PRM3: variants seen among roughly 807,000 people sequenced by gnomAD.
PRM3 encodes the protein protamine-3.
For missense variants in PRM3, 160 were observed against 133.1 expected (o/e 1.20, Z -0.99); for synonymous variants, 72 against 58.2 (o/e 1.24, Z -1.08).
chr16:11,273,312 C>G lies in PRM3; in HGVS notation c.284G>C (p.Ser95Thr). The change falls in exon 1 of 1, where the codon AGC becomes ACC. Residue 95 changes from serine (S) to threonine (T), a missense_variant. Physicochemically the swap from Ser to Thr is moderately conservative, Grantham distance 58 (BLOSUM62 1). Transcript: ENST00000327157. ...GHKDNAEAQQ[S>T]PEPKRTPS is the part of the protein sequence containing the mutation. Reference sequence around the variant, plus strand: ...GGAGGGTGTCCGCTTGGGCTCGGGGCTCTGCTGGGCCTCGGCGTTGTCCTT... The same window carrying G: ...GGAGGGTGTCCGCTTGGGCTCGGGGGTCTGCTGGGCCTCGGCGTTGTCCTT... 1 of 1,544,112 alleles carries G rather than the reference C, an allele frequency of 6.5e-7. No homozygotes were observed. The highest frequency in any genetic ancestry group is 8.7e-7 in the Non-Finnish European group (1 of 1,145,750).
In PRM3 at chr16:11,273,276, G is replaced by A. The variant is rs1030449644; in HGVS notation, c.*8C>T. ...AGTGGGCGTCCCTTCCTGGGCCTTC[G>A]TTGCGGGTCAGGAGGGTGTCCGCTT... On this transcript the variant is annotated 3_prime_UTR_variant, in exon 1 of 1. Coordinates refer to ENST00000327157, the MANE Select transcript of PRM3 (RefSeq NM_021247.3). The A allele has an allele frequency of 7.2e-6, 11 of 1,527,720 alleles. No homozygotes were observed. In the East Asian group the frequency reaches 9.9e-5, roughly 14 times the overall value. 94.6% of individuals were successfully genotyped at this position (1,527,720 alleles called of 1,614,324 possible). A position where few individuals can be genotyped will look rare whatever the true frequency, so the allele number is the denominator to read the frequency against.
chr16:11,273,386 C>T lies in PRM3; in HGVS notation c.210G>A (p.Val70=), dbSNP rs370987191. 7.6e-5 allele frequency: 117 copies of T among 1,546,324 alleles called. No homozygotes were observed. The highest frequency in any genetic ancestry group is 9.4e-5 in the Non-Finnish European group (108 of 1,147,148). ...GCTCCAGCAGCAGCAGCTTGCCCTGCACCGGCAGCTCTTCTTTCTCCTCCT... is the reference window on the plus strand; with the variant it reads ...GCTCCAGCAGCAGCAGCTTGCCCTGTACCGGCAGCTCTTCTTTCTCCTCCT... ...GEEEEKEELP[V]QGKLLLLEPE... is the part of the protein sequence containing the mutation. Residue 70 remains valine (V), a synonymous_variant, in exon 1 of 1, where the codon GTG becomes GTA. Coordinates refer to ENST00000327157, the MANE Select transcript of PRM3 (RefSeq NM_021247.3).
rs34977787 is a variant in PRM3, at chr16:11,273,360, G to T, written c.236C>A (p.Pro79His). Residue 79 changes from proline (P) to histidine (H), a missense_variant, in exon 1 of 1, where the codon CCT becomes CAT. Coordinates refer to ENST00000327157, the MANE Select transcript of PRM3 (RefSeq NM_021247.3). ...PVQGKLLLLE[P>H]ERQEEGHKDN... The stretch of plus-strand genomic sequence containing the variant: ...CTTGTGGCCCTCCTCCTGCCGCTCA[G>T]GCTCCAGCAGCAGCAGCTTGCCCTG... 1.3e-6 allele frequency: 2 copies of T among 1,544,936 alleles called. No individual in the cohort carries two copies. The highest frequency in any genetic ancestry group is 1.4e-5 in the African/African-American group (1 of 73,056).
rs757623388 is a variant in PRM3, at chr16:11,273,612, C to G, written c.-17G>C. 8.9e-6 allele frequency: 14 copies of G among 1,572,932 alleles called. No individual in the cohort carries two copies. The East Asian group carries it at 2.7e-4, about 31-fold the overall frequency. On this transcript the variant is annotated 5_prime_UTR_variant, in exon 1 of 1. Coordinates refer to ENST00000327157, the MANE Select transcript of PRM3 (RefSeq NM_021247.3). ...GGAACCCATGGTCTACGTTGCCTGTCTCTCTGGGCAAGGAGGTGAGGCGGT... is the reference window on the plus strand; with the variant it reads ...GGAACCCATGGTCTACGTTGCCTGTGTCTCTGGGCAAGGAGGTGAGGCGGT...
In PRM3 at chr16:11,273,546, C is replaced by G; in HGVS notation, c.50G>C (p.Ser17Thr). The G allele has an allele frequency of 6.2e-7, 1 of 1,611,230 alleles. No individual in the cohort carries two copies. The highest frequency in any genetic ancestry group is 2.2e-5 in the East Asian group (1 of 44,876). The change falls in exon 1 of 1, where the codon AGC (serine) becomes ACC (threonine). Residue 17 changes from serine (S) to threonine (T), a missense_variant. Coordinates refer to ENST00000327157, the MANE Select transcript of PRM3 (RefSeq NM_021247.3). ...GCCATGGCCCGTGCTGTGGCCTGGG[C>G]TGTGGCCTGGGCTCTGGCCTGTGTT... is the stretch of plus-strand genomic sequence containing the variant. ...KLNTGQSPGH[S>T]PGHSTGHGRG...
chr16:11,273,525 T>G lies in PRM3; in HGVS notation c.71A>C (p.His24Pro). Residue 24 changes from histidine to proline, a missense_variant, in exon 1 of 1, where the codon CAT becomes CCT. Coordinates refer to ENST00000327157, the MANE Select transcript of PRM3 (RefSeq NM_021247.3). Reference sequence around the variant, plus strand: ...CATGGAGGATTCGTGGCCCCGGCCATGGCCCGTGCTGTGGCCTGGGCTGTG... The same window carrying G: ...CATGGAGGATTCGTGGCCCCGGCCAGGGCCCGTGCTGTGGCCTGGGCTGTG... The part of the protein sequence containing the change: ...PGHSPGHSTG[H>P]GRGHESSMKK... 1 of 1,609,602 alleles carries G rather than the reference T, an allele frequency of 6.2e-7. No homozygotes were observed. Among genetic ancestry groups the G allele is most frequent in the Non-Finnish European group, 8.5e-7 (1 of 1,177,510 alleles).
Position 11,273,584 on chromosome 16 carries a change from G to C in PRM3, c.12C>G (p.Arg4=). The C allele has an allele frequency of 3.1e-6, 5 of 1,593,202 alleles. No individual in the cohort carries two copies. The highest frequency in any genetic ancestry group is 4.3e-6 in the Non-Finnish European group (5 of 1,167,252). Residue 4 remains arginine (R), a synonymous_variant, in exon 1 of 1, where the codon CGC becomes CGG. Transcript: ENST00000327157. MGS[R]CAKLNTGQSP... is the part of the protein sequence containing the mutation. ...TCTGGCCTGTGTTGAGCTTGGCACA[G>C]CGGGAACCCATGGTCTACGTTGCCT...
chr16:11,273,289 A>G lies in PRM3; in HGVS notation c.307T>C (p.Ser103Pro). ...QQSPEPKRTPS is the reference protein window; with the variant it reads ...QQSPEPKRTPP ...TCCTGGGCCTTCGTTGCGGGTCAGG[A>G]GGGTGTCCGCTTGGGCTCGGGGCTC... Residue 103 changes from serine to proline, a missense_variant, in exon 1 of 1, where the codon TCC (serine) becomes CCC (proline). By Grantham distance (74) the Ser-to-Pro change is moderately conservative. Coordinates refer to ENST00000327157, the MANE Select transcript of PRM3 (RefSeq NM_021247.3). 1.9e-6 allele frequency: 3 copies of G among 1,539,962 alleles called. No homozygotes were observed. In the African/African-American group the frequency reaches 4.1e-5, roughly 21 times the overall value.
chr16:11,273,529 C>G lies in PRM3; in HGVS notation c.67G>C (p.Gly23Arg). 6.2e-7 allele frequency: 1 copy of G among 1,610,804 alleles called. No homozygotes were observed. The highest frequency in any genetic ancestry group is 8.5e-7 in the Non-Finnish European group (1 of 1,178,612). Residue 23 changes from glycine (G) to arginine (R), a missense_variant, in exon 1 of 1, where the codon GGC (glycine) becomes CGC (arginine). Gly to Arg is a moderately radical substitution (Grantham distance 125). Transcript: ENST00000327157. ...GAGGATTCGTGGCCCCGGCCATGGC[C>G]CGTGCTGTGGCCTGGGCTGTGGCCT... is the stretch of plus-strand genomic sequence containing the variant. ...SPGHSPGHST[G>R]HGRGHESSMK...
rs772438312 is a variant in PRM3, at chr16:11,273,247, C to T, written c.*37G>A. ...TCTTCTCTGAACACTGTCGCCGGAG[C>T]AGCAGTGGGCGTCCCTTCCTGGGCC... On this transcript the variant is annotated 3_prime_UTR_variant, in exon 1 of 1. Coordinates refer to ENST00000327157, the MANE Select transcript of PRM3 (RefSeq NM_021247.3). The T allele has an allele frequency of 4.0e-6, 6 of 1,498,776 alleles. No individual in the cohort carries two copies. The South Asian group carries it at 6.5e-5, about 16-fold the overall frequency. 92.8% of individuals were successfully genotyped at this position (1,498,776 alleles called of 1,614,324 possible).
Position 11,273,417 on chromosome 16 carries a change from C to T in PRM3, c.179G>A (p.Gly60Glu), listed in dbSNP as rs2069808441. Residue 60 changes from glycine to glutamate, a missense_variant, in exon 1 of 1, where the codon GGG becomes GAG. By Grantham distance (98) the Gly-to-Glu change is moderately conservative. Transcript: ENST00000327157. Reference sequence around the variant, plus strand: ...CAGCTCTTCTTTCTCCTCCTCTTCCCCCTCCTCCTCCTCTTCCTCCTCTTC... The same window carrying T: ...CAGCTCTTCTTTCTCCTCCTCTTCCTCCTCCTCCTCCTCTTCCTCCTCTTC... ...GEEEEEEEEE[G>E]EEEEKEELPV... 1.3e-6 allele frequency: 2 copies of T among 1,551,412 alleles called. No individual in the cohort carries two copies. Among genetic ancestry groups the T allele is most frequent in the South Asian group, 1.2e-5 (1 of 84,344 alleles).
Position 11,273,240 on chromosome 16 carries a change from G to A in PRM3, c.*44C>T, listed in dbSNP as rs1340611678. 7.4e-6 allele frequency: 11 copies of A among 1,489,092 alleles called. No individual in the cohort carries two copies. Among genetic ancestry groups the A allele is most frequent in the East Asian group, 2.5e-5 (1 of 40,384 alleles). The allele number at this position is 1,489,092 out of a possible 1,614,324, so 92.2% of individuals were successfully genotyped here. A position where few individuals can be genotyped will look rare whatever the true frequency, so the allele number is the denominator to read the frequency against. On this transcript the variant is annotated 3_prime_UTR_variant, in exon 1 of 1. Transcript: ENST00000327157. ...TATTGACTCTTCTCTGAACACTGTC[G>A]CCGGAGCAGCAGTGGGCGTCCCTTC...
At position 11,273,407 on chromosome 16, in the gene PRM3, C is replaced by G. The variant is rs770061713; in HGVS notation, c.189G>C (p.Glu63Asp). 6.5e-6 allele frequency: 10 copies of G among 1,549,344 alleles called. No homozygotes were observed. Among genetic ancestry groups the G allele is most frequent in the Non-Finnish European group, 7.8e-6 (9 of 1,147,664 alleles). ...CCTGCACCGGCAGCTCTTCTTTCTCCTCCTCTTCCCCCTCCTCCTCCTCTT... is the reference window on the plus strand; with the variant it reads ...CCTGCACCGGCAGCTCTTCTTTCTCGTCCTCTTCCCCCTCCTCCTCCTCTT... ...EEEEEEEGEEEEKEELPVQGK... is the reference protein window; with the variant it reads ...EEEEEEEGEEDEKEELPVQGK... The change falls in exon 1 of 1, where the codon GAG becomes GAC. Residue 63 changes from glutamate to aspartate, a missense_variant. Coordinates refer to ENST00000327157, the MANE Select transcript of PRM3 (RefSeq NM_021247.3).
rs35598356 is a variant in PRM3 at position 11,273,338 on chromosome 16, G to T, written c.258C>A (p.His86Gln). The T allele has an allele frequency of 6.5e-7, 1 of 1,544,946 alleles. No homozygotes were observed. The highest frequency in any genetic ancestry group is 1.4e-5 in the African/African-American group (1 of 73,168). ...LLEPERQEEG[H>Q]KDNAEAQQSP... ...TCTGCTGGGCCTCGGCGTTGTCCTT[G>T]TGGCCCTCCTCCTGCCGCTCAGGCT... The change falls in exon 1 of 1, where the codon CAC becomes CAA. Residue 86 changes from histidine (H) to glutamine (Q), a missense_variant. Transcript: ENST00000327157.
In PRM3 at chr16:11,273,512, G is replaced by A. The variant is rs745666794; in HGVS notation, c.84C>T (p.His28=). 10 of 1,609,550 alleles carry A rather than the reference G, an allele frequency of 6.2e-6. No homozygotes were observed. Among genetic ancestry groups the A allele is most frequent in the East Asian group, 2.2e-5 (1 of 44,878 alleles). ...CCATGAGCTTTTTCATGGAGGATTC[G>A]TGGCCCCGGCCATGGCCCGTGCTGT... ...PGHSTGHGRG[H]ESSMKKLMAC... is the part of the protein sequence containing the mutation. The change falls in exon 1 of 1, where the codon CAC becomes CAT. Residue 28 remains histidine, a synonymous_variant. Transcript: ENST00000327157.
At position 11,273,258 on chromosome 16, in the gene PRM3, G is replaced by A. The variant is rs775588329; in HGVS notation, c.*26C>T. The A allele has an allele frequency of 1.5e-5, 23 of 1,510,834 alleles. No homozygotes were observed. Among genetic ancestry groups the A allele is most frequent in the South Asian group, 8.8e-5 (7 of 79,550 alleles). The allele number at this position is 1,510,834 out of a possible 1,614,324, so 93.6% of individuals were successfully genotyped here. ...CACTGTCGCCGGAGCAGCAGTGGGCGTCCCTTCCTGGGCCTTCGTTGCGGG... is the reference window on the plus strand; with the variant it reads ...CACTGTCGCCGGAGCAGCAGTGGGCATCCCTTCCTGGGCCTTCGTTGCGGG... On this transcript the variant is annotated 3_prime_UTR_variant, in exon 1 of 1. Transcript: ENST00000327157.
At position 11,273,599 on chromosome 16, in the gene PRM3, C is replaced by T. The variant is rs948511174; in HGVS notation, c.-4G>A. The T allele has an allele frequency of 1.8e-5, 28 of 1,580,944 alleles. No homozygotes were observed. Among genetic ancestry groups the T allele is most frequent in the African/African-American group, 5.4e-5 (4 of 74,188 alleles). The stretch of plus-strand genomic sequence containing the variant: ...GCTTGGCACAGCGGGAACCCATGGT[C>T]TACGTTGCCTGTCTCTCTGGGCAAG... On this transcript the variant is annotated 5_prime_UTR_variant, in exon 1 of 1. Coordinates refer to ENST00000327157, the MANE Select transcript of PRM3 (RefSeq NM_021247.3).
rs573666104 is a variant in PRM3 at position 11,273,457 on chromosome 16, A to G, written c.139T>C (p.Ser47Pro). 3 of 1,576,110 alleles carry G rather than the reference A, an allele frequency of 1.9e-6. No individual in the cohort carries two copies. The South Asian group carries it at 3.5e-5, about 18-fold the overall frequency. ...TCCTCCTCTTCCTCGCCCGCTGATG[A>G]CAAGGAGAAGTTATCCTGACTCACA... ...ACVSQDNFSLSSAGEEEEEEE... is the reference protein window; with the variant it reads ...ACVSQDNFSLPSAGEEEEEEE... Residue 47 changes from serine (S) to proline (P), a missense_variant, in exon 1 of 1, where the codon TCA becomes CCA. Physicochemically the swap from Ser to Pro is moderately conservative, Grantham distance 74. Coordinates refer to ENST00000327157, the MANE Select transcript of PRM3 (RefSeq NM_021247.3).
Position 11,273,362 on chromosome 16 carries a change from C to A in PRM3, c.234G>T (p.Glu78Asp). The stretch of plus-strand genomic sequence containing the variant: ...TGTGGCCCTCCTCCTGCCGCTCAGG[C>A]TCCAGCAGCAGCAGCTTGCCCTGCA... Reference protein sequence around the residue: ...LPVQGKLLLLEPERQEEGHKD... With the variant: ...LPVQGKLLLLDPERQEEGHKD... The change falls in exon 1 of 1, where the codon GAG becomes GAT. Residue 78 changes from glutamate to aspartate, a missense_variant. Glu to Asp is a conservative substitution (Grantham distance 45). Transcript: ENST00000327157. 2.6e-6 allele frequency: 4 copies of A among 1,545,162 alleles called. No homozygotes were observed.
Sources: allele counts gnomAD v4.1 joint callset, GRCh38; gene constraint gnomAD v4.1.1; transcripts MANE v1.5; gene names NCBI Gene and HGNC (gene_info 2026-07-23, HGNC 2026-07-21).